The following FHOD3 variants were observed in gnomAD, a reference collection of about 807,000 sequenced individuals.
The protein encoded by FHOD3 is FH1/FH2 domain-containing protein 3.
In FHOD3, 90 loss-of-function variants were observed where a neutral mutation model predicts 173.0. That is an observed-to-expected ratio of 0.52 (90% confidence interval 0.44 to 0.62). The LOEUF is 0.62. Ranked by LOEUF, FHOD3 falls within the 20% of genes least tolerant of loss-of-function variation. FHOD3 has a pLI of 0.00. For missense variants in FHOD3, 1,945 were observed against 2,034.7 expected, an observed-to-expected ratio of 0.96 and a Z score of 0.85; for synonymous variants, 828 against 823.0, an observed-to-expected ratio of 1.01 and a Z score of -0.10.
chr18:36,594,921 T>A (rs372909369), intron 7 of FHOD3, 23 bp downstream of exon 7: 1 of 1,511,148 alleles, frequency 6.6e-7, no homozygotes. Context: ...TGCCCCCTTA[T>A]GTCATGAAGG....
At chr18:36,544,568 C>T (rs2057344376) in intron 5 of FHOD3, 1 of 152,354 alleles carries the variant, frequency 6.6e-6, no homozygotes, top group African/African-American at 2.4e-5. Flanking sequence ...TCCCTCACTG[C>T]CTCTGGACTT....
intron 28 of FHOD3, among the ~76,000 whole-genome samples, chr18:36,773,510 G>A (rs1334746321): frequency 6.6e-6 from 1 of 152,184 alleles, no homozygotes; most frequent in Non-Finnish European, 1.5e-5. Context: ...GCAGGGATGG[G>A]GCCTGGGTCT....
At chr18:36,733,709 G>A (rs561672399) in intron 20 of FHOD3, among the ~76,000 whole-genome samples, 1 of 152,304 alleles carries the variant, frequency 6.6e-6, no homozygotes, top group East Asian at 1.9e-4. Flanking sequence ...CTATGACGCT[G>A]ACGGATATGG....
At chr18:36,568,437 G>A (rs1338362698) in intron 5 of FHOD3, among the ~76,000 whole-genome samples, 7 of 147,518 alleles carry the variant, frequency 4.7e-5, no homozygotes, top group Non-Finnish European at 8.9e-5. Context: ...GCTCAGGAAC[G>A]TGAAAGTTTT....
At chr18:36,352,962 G>A (rs948624688) in intron 1 of FHOD3, among the ~76,000 whole-genome samples, 1 of 152,214 alleles carries the variant, frequency 6.6e-6, no homozygotes, top group African/African-American at 2.4e-5. Context: ...CACCTGGAAA[G>A]ATAAAGTCTG....
chr18:36,571,323 A>G (rs1407710469), intron 5 of FHOD3, among the ~76,000 whole-genome samples: 1 of 152,216 alleles, frequency 6.6e-6, no homozygotes. Context: ...ACCATCCCAA[A>G]CAAACATATA....
At chr18:36,763,437 C>T (rs1249521805) in intron 27 of FHOD3, among the ~76,000 whole-genome samples, 3 of 147,014 alleles carry the variant, frequency 2.0e-5, no homozygotes, top group East Asian at 2.0e-4. Flanking sequence ...GTATTATACA[C>T]GTTATATATA....
chr18:36,465,994 A>G (rs1482996643), intron 3 of FHOD3, among the ~76,000 whole-genome samples: 1 of 152,130 alleles, frequency 6.6e-6, no homozygotes, highest in Non-Finnish European at 1.5e-5. Flanking sequence ...GCTTGACCAC[A>G]ATCCGGCTTT....
At chr18:36,504,429 C>T (rs1200382842) in intron 4 of FHOD3, among the ~76,000 whole-genome samples, 2 of 152,146 alleles carry the variant, frequency 1.3e-5, no homozygotes, top group Non-Finnish European at 1.5e-5. Flanking sequence ...ATGATGAGCT[C>T]ATGTCCTTTG....
At chr18:36,646,679 A>G (rs901898748) in intron 10 of FHOD3, among the ~76,000 whole-genome samples, 2 of 152,216 alleles carry the variant, frequency 1.3e-5, no homozygotes, top group Admixed American at 6.5e-5. Context: ...CATGATAACA[A>G]AAATCAATTA....
intron 10 of FHOD3, among the ~76,000 whole-genome samples, chr18:36,645,495 C>A (rs905420183): frequency 3.3e-5 from 5 of 152,078 alleles, no homozygotes; most frequent in Non-Finnish European, 7.4e-5. Flanking sequence ...GGGATGCTAT[C>A]TCACTGCTCT....
At position 36,747,025 on chromosome 18, in the gene FHOD3, T is replaced by C; in HGVS notation, c.4122T>C (p.Ile1374=). 1 of 1,614,094 alleles carries C rather than the reference T, an allele frequency of 6.2e-7. No homozygotes were observed. The highest frequency in any genetic ancestry group is 1.1e-5 in the South Asian group (1 of 91,062). Reference sequence around the variant, plus strand: ...CTTCATGGGATCACCTCAAGGCAATTGCAAAACATGAAATGAAACCAGTTT... The same window carrying C: ...CTTCATGGGATCACCTCAAGGCAATCGCAAAACATGAAATGAAACCAGTTT... ...CKASWDHLKA[I]AKHEMKPVLK... The change falls in exon 24 of 29, where the codon ATT becomes ATC. Residue 1374 remains isoleucine, a synonymous_variant. Coordinates refer to ENST00000590592, the MANE Select transcript of FHOD3 (RefSeq NM_001281740.3).
chr18:36,728,309 T>A (rs941291240), intron 19 of FHOD3, among the ~76,000 whole-genome samples: 2 of 152,258 alleles, frequency 1.3e-5, no homozygotes, highest in Non-Finnish European at 2.9e-5. Context: ...CCTTCTTTGT[T>A]GCCTGTATTT....
At chr18:36,392,006 G>A (rs111759813) in intron 3 of FHOD3, among the ~76,000 whole-genome samples, 1 of 152,202 alleles carries the variant, frequency 6.6e-6, no homozygotes, top group African/African-American at 2.4e-5. Flanking sequence ...TGTGCTCACC[G>A]CACACGTAAG....
chr18:36,430,397 G>A (rs1056093346), intron 3 of FHOD3, among the ~76,000 whole-genome samples: 1 of 152,132 alleles, frequency 6.6e-6, no homozygotes, highest in Admixed American at 6.6e-5. Flanking sequence ...TGTATTTTTA[G>A]TAGAGATGGG....
chr18:36,660,728 G>T (rs910760416), intron 14 of FHOD3, among the ~76,000 whole-genome samples: 1 of 152,222 alleles, frequency 6.6e-6, no homozygotes, highest in Non-Finnish European at 1.5e-5. Flanking sequence ...CATCCAGGGA[G>T]ATGTTCCAGA....
chr18:36,352,136 G>T (rs575423438), intron 1 of FHOD3, among the ~76,000 whole-genome samples: 2 of 152,002 alleles, frequency 1.3e-5, no homozygotes, highest in African/African-American at 2.4e-5. Flanking sequence ...AATTGGCTAG[G>T]CACAATGGTT....
chr18:36,651,477 G>T (rs1419457305), intron 11 of FHOD3, among the ~76,000 whole-genome samples: 1 of 152,150 alleles, frequency 6.6e-6, no homozygotes, highest in Non-Finnish European at 1.5e-5. Context: ...ATAATGCCAG[G>T]CATGGTGGCT....
chr18:36,760,744 C>T lies in FHOD3; in HGVS notation c.4586C>T (p.Pro1529Leu). The change falls in exon 27 of 29, where the codon CCC becomes CTC. Residue 1529 changes from proline to leucine, a missense_variant. Coordinates refer to ENST00000590592, the MANE Select transcript of FHOD3 (RefSeq NM_001281740.3). ...TSSPSVEDATPALGVRTRSRA... is the reference protein window; with the variant it reads ...TSSPSVEDATLALGVRTRSRA... ...TCCCCCTCCGTGGAGGACGCCACCCCCGCGCTGGGCGTCCGCACACGCAGC... is the reference window on the plus strand; with the variant it reads ...TCCCCCTCCGTGGAGGACGCCACCCTCGCGCTGGGCGTCCGCACACGCAGC... 1 of 1,612,490 alleles carries T rather than the reference C, an allele frequency of 6.2e-7. No homozygotes were observed. Among genetic ancestry groups the T allele is most frequent in the Non-Finnish European group, 8.5e-7 (1 of 1,179,856 alleles).
Sources: allele counts gnomAD v4.1 joint callset (sites outside exome capture counted in the v4.1 genomes callset), GRCh38; gene constraint gnomAD v4.1.1; transcripts MANE v1.5; gene names NCBI Gene and HGNC (gene_info 2026-07-23, HGNC 2026-07-21).